The following CAD variants were observed in gnomAD, a reference collection of about 807,000 sequenced individuals.
CAD encodes carbamoyl-phosphate synthetase 2, aspartate transcarbamylase, and dihydroorotase.
In CAD, 81 loss-of-function variants were observed where a neutral mutation model predicts 237.2. That is an observed-to-expected ratio of 0.34 (90% CI 0.29 to 0.41). CAD has a LOEUF of 0.41. Ranked by LOEUF, CAD falls within the 10% of genes least tolerant of loss-of-function variation. CAD has a pLI of 1.00. For missense variants in CAD, 2,181 were observed against 2,951.7 expected (o/e 0.74, Z 6.05); for synonymous variants, 1,196 against 1,162.8 (o/e 1.03, Z -0.58).
At position 27,242,240 on chromosome 2, in the gene CAD, G is replaced by A; in HGVS notation, c.6097-62G>A. ...AGATGAGTGAGGGGACCCCAGAAGA[G>A]GGGGACTGGCAGTTGGGGGGCCTCT... is the stretch of plus-strand genomic sequence containing the variant. On this transcript the variant is annotated intron_variant, in intron 39 of 43. Coordinates refer to ENST00000264705, the MANE Select transcript of CAD (RefSeq NM_004341.5). The surrounding 1 kb of genome is among the most constrained non-coding windows in gnomAD (Gnocchi z 6.4). 6.3e-7 allele frequency: 1 copy of A among 1,583,814 alleles called. No homozygotes were observed. The highest frequency in any genetic ancestry group is 1.7e-5 in the Admixed American group (1 of 57,952).
In CAD at chr2:27,230,191, T is replaced by C. The variant is rs111777300; in HGVS notation, c.2288-1277T>C. On this transcript the variant is annotated intron_variant, in intron 15 of 43. Transcript: ENST00000264705. The stretch of plus-strand genomic sequence containing the variant: ...AGGCACAGGTTACACTGAGCTGAGA[T>C]CATGCCATTGCAGTCCAGCGTGGGT... Among the ~76,000 whole-genome samples, 87 of 151,730 alleles carry C rather than the reference T, an allele frequency of 5.7e-4. 1 individual carries two copies. The highest frequency in any genetic ancestry group is 2.0e-3 in the African/African-American group (84 of 41,376).
chr2:27,220,002 G>C (rs1437722026), intron 2 of CAD, among the ~76,000 whole-genome samples: 1 of 152,144 alleles, frequency 6.6e-6, no homozygotes, highest in Non-Finnish European at 1.5e-5. Context: ...ATCTTACTCA[G>C]TTTTTAATCA....
Position 27,233,891 on chromosome 2 carries a change from T to C in CAD, c.3399+83T>C, listed in dbSNP as rs1434371188. 6 of 1,564,324 alleles carry C rather than the reference T, an allele frequency of 3.8e-6. No individual in the cohort carries two copies. In the East Asian group the frequency reaches 9.0e-5, roughly 23 times the overall value. On this transcript the variant is annotated intron_variant, in intron 21 of 43. Transcript: ENST00000264705. This position sits in a 1 kb window ranked among gnomAD's most constrained non-coding sequence, Gnocchi z 6.3. ...TTCCTTCTCTGGTCCAGCAGAATCA[T>C]AGGCACCAGGGCTGGGAACAGTGGG...
intron 31 of CAD, 80 bp from the exon 32 acceptor site, chr2:27,238,962 G>A (rs1200702360): frequency 1.5e-6 from 2 of 1,346,320 alleles, no homozygotes; most frequent in Non-Finnish European, 2.0e-6. Context: ...GAGGTTGTTG[G>A]AAGTGCAGTC....
intron 7 of CAD, 73 bp downstream of exon 7, chr2:27,223,821 C>G: frequency 6.4e-7 from 1 of 1,567,764 alleles, no homozygotes; most frequent in Non-Finnish European, 8.8e-7. Context: ...TAAAGCACGG[C>G]AGTGGATCCG....
chr2:27,225,559 C>T, intron 11 of CAD, 146 bp from the exon 12 acceptor site: 1 of 682,564 alleles, frequency 1.5e-6, no homozygotes, highest in East Asian at 2.5e-5. Context: ...ACCCCCCCGA[C>T]CCTCGGCCTC....
rs1193832316 is a variant in CAD, at chr2:27,240,977, C to T, written c.5638+22C>T. On this transcript the variant is annotated intron_variant, in intron 36 of 43. Coordinates refer to ENST00000264705, the MANE Select transcript of CAD (RefSeq NM_004341.5). This position sits in a 1 kb window ranked among gnomAD's most constrained non-coding sequence, Gnocchi z 4.6. ...CCAGGTGAGACTCCACCCTGACACA[C>T]ACTCACCTCGGGGACCTCTGATCTG... is the stretch of plus-strand genomic sequence containing the variant. 8 of 1,614,098 alleles carry T rather than the reference C, an allele frequency of 5.0e-6. No homozygotes were observed. The South Asian group carries it at 8.8e-5, about 18-fold the overall frequency.
Position 27,237,953 on chromosome 2 carries a change from G to A in CAD, c.4728+71G>A. The A allele has an allele frequency of 6.3e-7, 1 of 1,575,518 alleles. No homozygotes were observed. Among genetic ancestry groups the A allele is most frequent in the South Asian group, 1.2e-5 (1 of 85,072 alleles). On this transcript the variant is annotated intron_variant, in intron 29 of 43. Coordinates refer to ENST00000264705, the MANE Select transcript of CAD (RefSeq NM_004341.5). The surrounding 1 kb of genome is among the most constrained non-coding windows in gnomAD (Gnocchi z 4.0). The stretch of plus-strand genomic sequence containing the variant: ...GGCTTGTGGGCCCCTGCCTAAGTGG[G>A]CTGGTAGCAGTGAGGATTCAGGGGA...
intron 15 of CAD, 113 bp downstream of exon 15, chr2:27,227,075 C>A: frequency 1.2e-6 from 1 of 859,956 alleles, no homozygotes; most frequent in Non-Finnish European, 1.9e-6. Context: ...GTGCTTGAGA[C>A]ATTTCAAACT....
rs147758336 is a variant in CAD, at chr2:27,225,037, G to A, written c.1414G>A (p.Val472Met). 1 of 1,611,798 alleles carries A rather than the reference G, an allele frequency of 6.2e-7. No individual in the cohort carries two copies. Among genetic ancestry groups the A allele is most frequent in the Non-Finnish European group, 8.5e-7 (1 of 1,178,012 alleles). Residue 472 changes from valine (V) to methionine (M), a missense_variant, in exon 11 of 44, where the codon GTG (valine) becomes ATG (methionine). Val to Met is a conservative substitution (Grantham distance 21, BLOSUM62 1). Around this residue, in one of 12 missense-constraint regions of CAD, gnomAD observed 174 missense variants for 215.8 expected, o/e 0.81. Coordinates refer to ENST00000264705, the MANE Select transcript of CAD (RefSeq NM_004341.5). The stretch of plus-strand genomic sequence containing the variant: ...GATACGTAATGAACGCCCCGATGGT[G>A]TGTTACTGACTTTTGGGGGCCAGAC... ...QVIRNERPDG[V>M]LLTFGGQTAL...
intron 15 of CAD, among the ~76,000 whole-genome samples, chr2:27,229,932 G>A (rs941812345): frequency 2.0e-5 from 3 of 149,958 alleles, no homozygotes; most frequent in African/African-American, 7.4e-5. Flanking sequence ...AATTATGGCA[G>A]ATCATACAAG....
In CAD at chr2:27,218,005, G is replaced by A; in HGVS notation, c.211G>A (p.Gly71Ser). 1 of 1,607,306 alleles carries A rather than the reference G, an allele frequency of 6.2e-7. No individual in the cohort carries two copies. The highest frequency in any genetic ancestry group is 8.5e-7 in the Non-Finnish European group (1 of 1,176,734). Residue 71 changes from glycine (G) to serine (S), a missense_variant, in exon 2 of 44, where the codon GGT becomes AGT. Gly to Ser is a moderately conservative substitution (Grantham distance 56). Transcript: ENST00000264705. ...GIPPDEMDEF[G>S]LCKWFESSGI... ...CCCCCCAGATGAAATGGATGAGTTC[G>A]GTCTCTGCAAGGTAGCCACACCCAG...
At position 27,234,546 on chromosome 2, in the gene CAD, A is replaced by G; in HGVS notation, c.3647A>G (p.Asn1216Ser). Residue 1216 changes from asparagine (N) to serine (S), a missense_variant, in exon 23 of 44, where the codon AAC (asparagine) becomes AGC (serine). Physicochemically the swap from Asn to Ser is conservative, Grantham distance 46 (BLOSUM62 1). Around this residue, in one of 12 missense-constraint regions of CAD, gnomAD observed 306 missense variants for 607.9 expected, o/e 0.50. Transcript: ENST00000264705. ...KDDQLKVIECNVRVSRSFPFV... is the reference protein window; with the variant it reads ...KDDQLKVIECSVRVSRSFPFV... ...GACCAGCTGAAAGTTATTGAATGCA[A>G]CGTACGTGTCTCTCGCTCCTTCCCC... 1 of 1,614,028 alleles carries G rather than the reference A, an allele frequency of 6.2e-7. No homozygotes were observed. Among genetic ancestry groups the G allele is most frequent in the South Asian group, 1.1e-5 (1 of 91,078 alleles).
chr2:27,243,315 G>A (rs773059305), intron 43 of CAD, 23 bp downstream of exon 43: 27 of 1,612,406 alleles, frequency 1.7e-5, no homozygotes, highest in Non-Finnish European at 2.2e-5. Flanking sequence ...CAGAGTCAGA[G>A]ACTGCCTCGG....
At chr2:27,217,817 C>G in intron 1 of CAD, 60 bp from the exon 2 acceptor site, 1 of 1,529,892 alleles carries the variant, frequency 6.5e-7, no homozygotes, top group Non-Finnish European at 8.8e-7. Context: ...GCGTGCTCAT[C>G]GCGCGGGGAG....
intron 42 of CAD, 97 bp from the exon 43 acceptor site, chr2:27,243,101 A>C (rs1676403151): frequency 1.3e-5 from 17 of 1,357,658 alleles, no homozygotes; most frequent in Non-Finnish European, 1.7e-5. Flanking sequence ...CCATAGCTGC[A>C]TGTGGGTGTG....
Position 27,217,541 on chromosome 2 carries a change from G to A in CAD, c.-11G>A, listed in dbSNP as rs966066731. On this transcript the variant is annotated 5_prime_UTR_variant, in exon 1 of 44. Coordinates refer to ENST00000264705, the MANE Select transcript of CAD (RefSeq NM_004341.5). The stretch of plus-strand genomic sequence containing the variant: ...TCTCCGTACTCGCCCCCGCCTCTGA[G>A]CTCCCTTCCCATGGCGGCCCTAGTG... The A allele has an allele frequency of 1.9e-6, 3 of 1,600,942 alleles. No homozygotes were observed. The Admixed American group carries it at 5.1e-5, about 27-fold the overall frequency.
intron 2 of CAD, among the ~76,000 whole-genome samples, chr2:27,219,378 G>A (rs1216123543): frequency 3.3e-5 from 5 of 150,218 alleles, no homozygotes; most frequent in Non-Finnish European, 5.9e-5. Context: ...GTCTCACTTT[G>A]TCACCCAGGC....
chr2:27,234,136 C>T lies in CAD; in HGVS notation c.3528C>T (p.Ala1176=). The change falls in exon 22 of 44, where the codon GCC becomes GCT. Residue 1176 remains alanine (A), a synonymous_variant. Coordinates refer to ENST00000264705, the MANE Select transcript of CAD (RefSeq NM_004341.5). ...TGACCCCCCCACAAGATATCACTGC[C>T]AAAACCCTGGAGCGGATCAAAGCCA... ...TLVTPPQDIT[A]KTLERIKAIV... is the part of the protein sequence containing the mutation. The T allele has an allele frequency of 3.7e-6, 6 of 1,614,174 alleles. No individual in the cohort carries two copies. The highest frequency in any genetic ancestry group is 5.1e-6 in the Non-Finnish European group (6 of 1,180,028).
Sources: gnomAD v4.1 joint callset for allele counts (sites outside exome capture counted in the v4.1 genomes callset) on GRCh38, gnomAD v4.1.1 for gene constraint, gnomAD v4.1.1 regional missense constraint, Gnocchi (gnomAD v3.1) non-coding constraint, MANE v1.5 for transcripts, NCBI Gene and HGNC (gene_info 2026-07-23, HGNC 2026-07-21) for gene names.